OR2L13: variants seen among roughly 807,000 people sequenced by gnomAD.
OR2L13 encodes olfactory receptor 2L13.
In OR2L13, 14 loss-of-function variants were observed where a neutral mutation model predicts 15.3. The ratio of observed to expected loss-of-function variants is 0.91; its 90% CI spans 0.60 to 1.43. The LOEUF (loss-of-function observed/expected upper bound fraction) is 1.43. Ranked by LOEUF, OR2L13 falls within the 40% of genes most tolerant of loss-of-function variation. OR2L13 has a pLI of 0.00. For synonymous variants in OR2L13, 152 were observed against 142.9 expected (o/e 1.06, Z -0.45); for missense variants, 367 against 387.9 (o/e 0.95, Z 0.45).
chr1:248,080,783 T>A, the OR2L13 span, among the ~76,000 whole-genome samples: 1 of 152,126 alleles, frequency 6.6e-6, no homozygotes, highest in African/African-American at 2.4e-5. Flanking sequence ...CCTTTGTGTA[T>A]ATACCCAGGA....
At chr1:248,010,854 T>C in the OR2L13 span, among the ~76,000 whole-genome samples, 1 of 149,260 alleles carries the variant, frequency 6.7e-6, no homozygotes, top group Non-Finnish European at 1.5e-5. Flanking sequence ...TCTTTGCATG[T>C]GAGATGGGTC....
chr1:248,048,919 C>CT, the OR2L13 span, among the ~76,000 whole-genome samples: 983 of 138,202 alleles, frequency 7.1e-3, 7 homozygotes, highest in African/African-American at 0.029. Context: ...CCTTTTCTCT[C>CT]TCTCTTTTTT....
chr1:248,072,485 A>G, the OR2L13 span, among the ~76,000 whole-genome samples: 1 of 152,190 alleles, frequency 6.6e-6, no homozygotes, highest in Non-Finnish European at 1.5e-5. Flanking sequence ...TTCAAGATGG[A>G]TTAAAGACTT....
chr1:248,078,485 T>C, the OR2L13 span, among the ~76,000 whole-genome samples: 67 of 147,772 alleles, frequency 4.5e-4, 1 homozygote, highest in African/African-American at 1.6e-3. Flanking sequence ...CACACACACA[T>C]ACACACACAC....
the OR2L13 span, among the ~76,000 whole-genome samples, chr1:247,982,697 A>G: frequency 6.6e-6 from 1 of 151,300 alleles, no homozygotes; most frequent in Non-Finnish European, 1.5e-5. Context: ...CTGAGAAACC[A>G]TTTTTCTATA....
chr1:248,047,891 C>G, the OR2L13 span, among the ~76,000 whole-genome samples: 1 of 152,170 alleles, frequency 6.6e-6, no homozygotes, highest in Non-Finnish European at 1.5e-5. Context: ...TACACAGTCA[C>G]TATGTCACAG....
At chr1:248,038,121 T>G in the OR2L13 span, 1 of 577,994 alleles carries the variant, frequency 1.7e-6, no homozygotes, top group Non-Finnish European at 3.1e-6. Context: ...TTTATGGATA[T>G]AAAAATAGTT....
chr1:248,019,159 G>A, the OR2L13 span, among the ~76,000 whole-genome samples: 6 of 152,076 alleles, frequency 3.9e-5, no homozygotes, highest in Non-Finnish European at 7.4e-5. Context: ...AAGTTAAATA[G>A]CTGGAGCATA....
chr1:247,977,046 A>G, the OR2L13 span, among the ~76,000 whole-genome samples: 1 of 152,142 alleles, frequency 6.6e-6, no homozygotes, highest in South Asian at 2.1e-4. Flanking sequence ...ACATCCTACT[A>G]TTTCTAATAA....
the OR2L13 span, among the ~76,000 whole-genome samples, chr1:247,950,555 C>G: frequency 6.6e-6 from 1 of 152,090 alleles, no homozygotes; most frequent in South Asian, 2.1e-4. Context: ...TATGGATATC[C>G]AGTTTTACAA....
At chr1:247,957,896 C>T in the OR2L13 span, among the ~76,000 whole-genome samples, 3 of 152,048 alleles carry the variant, frequency 2.0e-5, no homozygotes, top group Non-Finnish European at 4.4e-5. Flanking sequence ...AAAACCAGCT[C>T]CTGGATTCAT....
chr1:248,001,406 C>T, the OR2L13 span, among the ~76,000 whole-genome samples: 1 of 151,542 alleles, frequency 6.6e-6, no homozygotes, highest in African/African-American at 2.4e-5. Flanking sequence ...CTTGTTTTTT[C>T]CTCCTGTGTA....
chr1:248,030,291 C>T, the OR2L13 span: 1 of 152,128 alleles, frequency 6.6e-6, no homozygotes, highest in Admixed American at 6.6e-5. Context: ...AGAAGGGACT[C>T]TGGCAAGTGC....
the OR2L13 span, among the ~76,000 whole-genome samples, chr1:247,986,398 G>A: frequency 6.6e-6 from 1 of 152,112 alleles, no homozygotes; most frequent in African/African-American, 2.4e-5. Context: ...TTTTTGTCAG[G>A]TTTGTCAAAG....
the OR2L13 span, among the ~76,000 whole-genome samples, chr1:248,025,908 A>G: frequency 2.0e-5 from 3 of 148,060 alleles, no homozygotes; most frequent in Non-Finnish European, 3.0e-5. Flanking sequence ...ATGAGAACAC[A>G]TGGACATAGG....
the OR2L13 span, among the ~76,000 whole-genome samples, chr1:248,088,232 A>C: frequency 1.3e-5 from 2 of 152,078 alleles, no homozygotes; most frequent in African/African-American, 4.8e-5. Flanking sequence ...AATACTTAGG[A>C]ATTACACTTT....
the OR2L13 span, chr1:248,045,838 C>G: frequency 1.3e-5 from 2 of 152,154 alleles, no homozygotes; most frequent in Non-Finnish European, 2.9e-5. Context: ...CAACTAGTTA[C>G]AGGTTTCTTG....
At chr1:248,073,984 T>A in the OR2L13 span, among the ~76,000 whole-genome samples, 1 of 152,064 alleles carries the variant, frequency 6.6e-6, no homozygotes, top group Admixed American at 6.6e-5. Context: ...AACGGAATTA[T>A]ATATCGGACT....
chr1:248,011,632 G>C, the OR2L13 span, among the ~76,000 whole-genome samples: 7 of 152,152 alleles, frequency 4.6e-5, no homozygotes, highest in African/African-American at 1.7e-4. Context: ...ATATTTCTTG[G>C]AGGCTATGAT....
Sources: allele counts gnomAD v4.1 joint callset (sites outside exome capture counted in the v4.1 genomes callset), GRCh38; gene constraint gnomAD v4.1.1; transcripts MANE v1.5; gene names NCBI Gene and HGNC (gene_info 2026-07-23, HGNC 2026-07-21).